MTMR14: variants seen among roughly 807,000 people sequenced by gnomAD.
The protein encoded by MTMR14 is myotubularin related protein 14.
MTMR14 carries 48 observed loss-of-function variants against 86.3 expected under a neutral mutation model. The ratio of observed to expected loss-of-function variants is 0.56; its 90% confidence interval spans 0.44 to 0.71. The LOEUF is 0.71. Among genes scored for constraint, MTMR14 ranks in the 30% least tolerant of loss-of-function variants. MTMR14 has a pLI of 0.00. For synonymous variants in MTMR14, 366 were observed against 326.1 expected, an observed-to-expected ratio of 1.12 and a Z score of -1.32; for missense variants, 780 against 834.6, an observed-to-expected ratio of 0.93 and a Z score of 0.81.
intron 18 of MTMR14, among the ~76,000 whole-genome samples, chr3:9,698,620 G>A (rs1379059807): frequency 6.6e-6 from 1 of 152,216 alleles, no homozygotes; most frequent in African/African-American, 2.4e-5. Flanking sequence ...CCGCAATCCA[G>A]CTCATCCCCC....
intron 9 of MTMR14, among the ~76,000 whole-genome samples, chr3:9,681,971 C>T (rs375554735): frequency 6.6e-6 from 1 of 152,190 alleles, no homozygotes; most frequent in East Asian, 1.9e-4. Flanking sequence ...GCTGGCATTC[C>T]GCAGCTCTCT....
At chr3:9,673,801 G>A (rs1220659605) in intron 7 of MTMR14, among the ~76,000 whole-genome samples, 2 of 152,080 alleles carry the variant, frequency 1.3e-5, no homozygotes, top group African/African-American at 2.4e-5. Flanking sequence ...TTATTTAAGA[G>A]TGAAGTGCCA....
At chr3:9,655,124 T>C (rs535963863) in intron 2 of MTMR14, among the ~76,000 whole-genome samples, 1 of 152,198 alleles carries the variant, frequency 6.6e-6, no homozygotes, top group African/African-American at 2.4e-5. Context: ...ATGCCTGTAA[T>C]CCCAGCCTCC....
At chr3:9,658,111 T>G (rs1233085300) in intron 2 of MTMR14, among the ~76,000 whole-genome samples, 1 of 152,104 alleles carries the variant, frequency 6.6e-6, no homozygotes, top group Non-Finnish European at 1.5e-5. Context: ...GGCCTTAAAG[T>G]GTTACTGAAG....
intron 17 of MTMR14, among the ~76,000 whole-genome samples, chr3:9,697,238 C>T (rs547210353): frequency 2.6e-5 from 4 of 152,150 alleles, no homozygotes; most frequent in East Asian, 1.9e-4. Flanking sequence ...CCAAGAGGCC[C>T]GTACTGTCTC....
intron 17 of MTMR14, among the ~76,000 whole-genome samples, chr3:9,690,923 C>T (rs1370885848): frequency 2.0e-5 from 3 of 152,154 alleles, no homozygotes; most frequent in African/African-American, 7.2e-5. Flanking sequence ...TGGCATCCAT[C>T]CCAGGTTCAA....
chr3:9,698,963 G>T (rs573334088), intron 18 of MTMR14, among the ~76,000 whole-genome samples: 1 of 152,122 alleles, frequency 6.6e-6, no homozygotes, highest in South Asian at 2.1e-4. Context: ...AAGGTTGGGA[G>T]TTCGAGACCA....
chr3:9,652,301 C>T (rs1012154078), intron 1 of MTMR14, among the ~76,000 whole-genome samples: 1 of 152,150 alleles, frequency 6.6e-6, no homozygotes, highest in African/African-American at 2.4e-5. Flanking sequence ...AGTTCTTATG[C>T]CTTTTTTCTG....
At chr3:9,662,771 A>C (rs1439563921) in intron 3 of MTMR14, among the ~76,000 whole-genome samples, 1 of 152,160 alleles carries the variant, frequency 6.6e-6, no homozygotes, top group Non-Finnish European at 1.5e-5. Flanking sequence ...TAATTCACCA[A>C]GTATTTATTG....
At chr3:9,697,977 C>T (rs1293305230) in intron 18 of MTMR14, 111 bp downstream of exon 18, 8 of 1,441,868 alleles carry the variant, frequency 5.5e-6, no homozygotes, top group Non-Finnish European at 7.7e-6. Flanking sequence ...CTGGCCTGGC[C>T]TCCTGCCCTC....
rs144736392 is a variant in MTMR14 at position 9,669,345 on chromosome 3, A to G, written c.494-87A>G. 2.4e-4 allele frequency: 336 copies of G among 1,372,002 alleles called. No individual in the cohort carries two copies. In the African/African-American group the frequency reaches 4.0e-3, roughly 16 times the overall value. 85.0% of individuals were successfully genotyped at this position (1,372,002 alleles called of 1,614,324 possible). On this transcript the variant is annotated intron_variant, in intron 4 of 18. Coordinates refer to ENST00000296003, the MANE Select transcript of MTMR14 (RefSeq NM_001077525.3). ...CATGTAGTCCCAGCCCACCCTTGGC[A>G]CTATGGGGAAGGAGGCTGGTGAGGA... is the stretch of plus-strand genomic sequence containing the variant.
At chr3:9,694,794 C>G (rs2076236983) in intron 17 of MTMR14, among the ~76,000 whole-genome samples, 1 of 152,204 alleles carries the variant, frequency 6.6e-6, no homozygotes, top group South Asian at 2.1e-4. Flanking sequence ...AGCTAAAAGA[C>G]ACCTGCTCTG....
chr3:9,672,290 G>A (rs547676566), intron 6 of MTMR14, among the ~76,000 whole-genome samples: 21 of 152,270 alleles, frequency 1.4e-4, no homozygotes, highest in African/African-American at 4.6e-4. Flanking sequence ...CCTGGCTGGA[G>A]TGCAGTGGCA....
At position 9,671,091 on chromosome 3, in the gene MTMR14, A is replaced by AT; in HGVS notation, c.599dup (p.Lys201GlnfsTer13). 1 of 1,614,224 alleles carries AT rather than the reference A, an allele frequency of 6.2e-7. No individual in the cohort carries two copies. The highest frequency in any genetic ancestry group is 8.5e-7 in the Non-Finnish European group (1 of 1,180,030). On this transcript the variant is annotated frameshift_variant, in exon 6 of 19. Coordinates refer to ENST00000296003, the MANE Select transcript of MTMR14 (RefSeq NM_001077525.3). LOFTEE classifies it high-confidence loss of function. ...TTTTGATAAGGTCAGAGGCTATGAC[A>AT]TCAAGCTGCTTCGATACCTGTCAGT... is the stretch of plus-strand genomic sequence containing the variant.
At chr3:9,669,818 A>G (rs1011527998) in intron 5 of MTMR14, among the ~76,000 whole-genome samples, 1 of 152,218 alleles carries the variant, frequency 6.6e-6, no homozygotes, top group Non-Finnish European at 1.5e-5. Context: ...CAGAGTTGCC[A>G]GTTTGCAGCT....
At chr3:9,690,212 G>C (rs189066639) in intron 17 of MTMR14, 69 bp downstream of exon 17, 2 of 1,556,274 alleles carry the variant, frequency 1.3e-6, no homozygotes, top group East Asian at 2.3e-5. Context: ...TGGAGGGTCG[G>C]GGGCCAGCAC....
At chr3:9,673,606 A>G (rs1336443599) in intron 7 of MTMR14, among the ~76,000 whole-genome samples, 1 of 152,052 alleles carries the variant, frequency 6.6e-6, no homozygotes, top group Non-Finnish European at 1.5e-5. Flanking sequence ...TTATCTCCTC[A>G]ATATTGGGGC....
Position 9,669,940 on chromosome 3 carries a change from A to C in MTMR14, c.554+448A>C, listed in dbSNP as rs1218517900. Among the ~76,000 whole-genome samples the C allele has an allele frequency of 2.0e-5, 3 of 152,242 alleles. No homozygotes were observed. The East Asian group carries it at 5.8e-4, about 29-fold the overall frequency. On this transcript the variant is annotated intron_variant, in intron 5 of 18. Transcript: ENST00000296003. ...ACATGAGGTCTAGCCTGGAAGGCAC[A>C]TTTGGAGACCAGATGTGTCACAGCT...
At position 9,701,636 on chromosome 3, in the gene MTMR14, C is replaced by A; in HGVS notation, c.1770-154C>A. 2.3e-6 allele frequency: 2 copies of A among 876,816 alleles called. No homozygotes were observed. The highest frequency in any genetic ancestry group is 3.7e-6 in the Non-Finnish European group (2 of 546,828). 54.3% of individuals were successfully genotyped at this position (876,816 alleles called of 1,614,324 possible). On this transcript the variant is annotated intron_variant, in intron 18 of 18. Coordinates refer to ENST00000296003, the MANE Select transcript of MTMR14 (RefSeq NM_001077525.3). This position sits in a 1 kb window ranked among gnomAD's most constrained non-coding sequence, Gnocchi z 4.2. ...GGAAAACAGGGCCAGATATTTGGGG[C>A]CTGAACCACAAGGATAGCATGGCCG...
Sources: allele counts gnomAD v4.1 joint callset (sites outside exome capture counted in the v4.1 genomes callset), GRCh38; gene constraint gnomAD v4.1.1; non-coding constraint Gnocchi (gnomAD v3.1); transcripts MANE v1.5; gene names NCBI Gene and HGNC (gene_info 2026-07-23, HGNC 2026-07-21).